The following PPP2R5C variants were observed in gnomAD, a reference collection of about 807,000 sequenced individuals.
PPP2R5C encodes serine/threonine-protein phosphatase 2A 56 kDa regulatory subunit gamma isoform.
PPP2R5C carries 7 observed loss-of-function variants against 68.9 expected under a neutral mutation model. The observed-to-expected ratio is 0.10, with a 90% CI of 0.06 to 0.19. PPP2R5C has a LOEUF of 0.19. Among genes scored for constraint, PPP2R5C ranks in the 10% least tolerant of loss-of-function variants. The probability of loss-of-function intolerance (pLI) is 1.00; values close to 1 mark genes in which losing one functional copy is unlikely to be tolerated. For synonymous variants in PPP2R5C, 210 were observed against 222.2 expected, an observed-to-expected ratio of 0.95 and a Z score of 0.49; for missense variants, 348 against 641.3, an observed-to-expected ratio of 0.54 and a Z score of 4.94.
chr14:101,852,469 C>CTTTTTTTTTTTTTTTTTTTTCT (rs559509845), intron 1 of PPP2R5C, among the ~76,000 whole-genome samples: 2 of 115,106 alleles, frequency 1.7e-5, no homozygotes, highest in Non-Finnish European at 3.6e-5. Context: ...TTTTCTTTTT[C>CTTTTTTTTTTTTTTTTTTTTCT]TTTTTTTTTT....
chr14:101,806,535 G>A (rs1051058613), upstream of PPP2R5C, among the ~76,000 whole-genome samples: 2 of 152,130 alleles, frequency 1.3e-5, no homozygotes, highest in Non-Finnish European at 2.9e-5. Flanking sequence ...TTGGTTCCAA[G>A]TCTTTGCTAT....
intron 5 of PPP2R5C, chr14:101,889,994 T>C (rs1425907720): frequency 4.9e-6 from 3 of 609,844 alleles, no homozygotes; most frequent in African/African-American, 3.6e-5. Flanking sequence ...GCTTGAAATT[T>C]TCCAAAATAA....
chr14:101,904,173 T>C (rs527561279), intron 9 of PPP2R5C, among the ~76,000 whole-genome samples: 71 of 152,228 alleles, frequency 4.7e-4, no homozygotes, highest in Non-Finnish European at 6.3e-4. Flanking sequence ...TTGTTTTCTT[T>C]TTAGACAAAG....
exon 14 of PPP2R5C, chr14:101,927,945 C>G (rs549674234): frequency 6.6e-6 from 1 of 152,296 alleles, no homozygotes; most frequent in Admixed American, 6.5e-5. Flanking sequence ...AACGGTGTAT[C>G]ATATGGACTA....
intron 13 of PPP2R5C, chr14:101,922,142 C>G (rs188670480): frequency 1.7e-5 from 17 of 985,370 alleles, no homozygotes; most frequent in Non-Finnish European, 1.7e-5. Context: ...GAAGTATTTT[C>G]CCTTTTGTCC....
chr14:101,782,953 GC>G (rs1294758729), intron 2 of PPP2R5C, among the ~76,000 whole-genome samples: 1 of 598 alleles, frequency 1.7e-3, no homozygotes, highest in Admixed American at 0.021. Context: ...CTCCCTCTCT[GC>G]CCCCCTCTCT....
At chr14:101,898,033 A>G (rs2045458123) in intron 8 of PPP2R5C, among the ~76,000 whole-genome samples, 1 of 151,870 alleles carries the variant, frequency 6.6e-6, no homozygotes, top group African/African-American at 2.4e-5. Flanking sequence ...GGTGACATGT[A>G]CCTGTGGTCC....
At chr14:101,844,639 G>A (rs1483928879) in intron 1 of PPP2R5C, among the ~76,000 whole-genome samples, 1 of 152,170 alleles carries the variant, frequency 6.6e-6, no homozygotes, top group Non-Finnish European at 1.5e-5. Flanking sequence ...CATGGAGAAA[G>A]GAAGTAGAGA....
At position 101,916,534 on chromosome 14, in the gene PPP2R5C, A is replaced by G. The variant is rs1048386580; in HGVS notation, c.1327-1297A>G. Among the ~76,000 whole-genome samples the G allele has an allele frequency of 6.6e-6, 1 of 152,188 alleles. No individual in the cohort carries two copies. The highest frequency in any genetic ancestry group is 1.5e-5 in the Non-Finnish European group (1 of 68,026). On this transcript the variant is annotated intron_variant, in intron 12 of 13. Coordinates refer to ENST00000334743, the Ensembl canonical transcript of PPP2R5C. The surrounding 1 kb of genome is among the most constrained non-coding windows in gnomAD (Gnocchi z 5.5). ...GGTTCAGGGCTGAATGATGGCGTCC[A>G]TGGTCATCATTCCTCAGAGAGGCCC...
At chr14:101,794,645 G>C (rs1429934532) in intron 3 of PPP2R5C, among the ~76,000 whole-genome samples, 3 of 152,164 alleles carry the variant, frequency 2.0e-5, no homozygotes, top group African/African-American at 7.2e-5. Flanking sequence ...ATTTTCCAAG[G>C]CCACTTTCAT....
intron 2 of PPP2R5C, 106 bp downstream of exon 2, chr14:101,763,076 G>A (rs1218609130): frequency 1.0e-6 from 1 of 999,362 alleles, no homozygotes; most frequent in African/African-American, 1.7e-5. Context: ...GTTTCCCTAT[G>A]TGAGGTTTTT....
intron 8 of PPP2R5C, among the ~76,000 whole-genome samples, chr14:101,896,648 A>T (rs2045351403): frequency 6.6e-6 from 1 of 151,590 alleles, no homozygotes; most frequent in African/African-American, 2.4e-5. Flanking sequence ...AAAAAAAAAA[A>T]AAAAAAAGTG....
intron 2 of PPP2R5C, among the ~76,000 whole-genome samples, chr14:101,767,465 C>T (rs927672970): frequency 6.6e-6 from 1 of 152,130 alleles, no homozygotes; most frequent in African/African-American, 2.4e-5. Context: ...TTTTGTTCGG[C>T]ACAACTCCTC....
chr14:101,866,772 A>T (rs995918536), intron 2 of PPP2R5C, among the ~76,000 whole-genome samples: 2 of 152,126 alleles, frequency 1.3e-5, no homozygotes, highest in African/African-American at 4.8e-5. Flanking sequence ...TTTACTATAC[A>T]CTTTTGTAAT....
At position 101,785,125 on chromosome 14, in the gene PPP2R5C, A is replaced by G. The variant is rs2038030361; in HGVS notation, c.94-893A>G. ...TGAGCACGCACACCAGGAGCCTAGG[A>G]CAATGGCAGCAGAACAGCTCCAGCG... On this transcript the variant is annotated intron_variant, in intron 2 of 14. Coordinates refer to the PPP2R5C transcript ENST00000328724. Among the ~76,000 whole-genome samples, 3 of 152,214 alleles carry G rather than the reference A, an allele frequency of 2.0e-5. No individual in the cohort carries two copies. The South Asian group carries it at 6.2e-4, about 32-fold the overall frequency.
chr14:101,869,888 G>T (rs1171643799), intron 2 of PPP2R5C, among the ~76,000 whole-genome samples: 1 of 152,128 alleles, frequency 6.6e-6, no homozygotes, highest in Non-Finnish European at 1.5e-5. Flanking sequence ...CTGAGCTCAA[G>T]TGATCCCCCT....
At chr14:101,833,087 C>T (rs192869398) in intron 1 of PPP2R5C, among the ~76,000 whole-genome samples, 1 of 152,328 alleles carries the variant, frequency 6.6e-6, no homozygotes, top group Non-Finnish European at 1.5e-5. Flanking sequence ...TTCCCATGTT[C>T]CGTCTAGTGA....
chr14:101,780,650 T>C (rs987293373), intron 2 of PPP2R5C, among the ~76,000 whole-genome samples: 3 of 152,156 alleles, frequency 2.0e-5, no homozygotes, highest in Admixed American at 6.5e-5. Flanking sequence ...CTCCTCTCTC[T>C]CTTGTATTTT....
Position 101,920,566 on chromosome 14 carries a change from A to G in PPP2R5C, c.1443+2619A>G, listed in dbSNP as rs551510052. On this transcript the variant is annotated intron_variant, in intron 13 of 13. Transcript: ENST00000334743. ...TATGTTCCTGAGTCAGAAGACTCAG[A>G]AGAGTCATTGGGATGTCTGTTTTCC... 3.9e-5 allele frequency among the ~76,000 whole-genome samples: 6 copies of G among 152,208 alleles called. No individual in the cohort carries two copies. The South Asian group carries it at 1.2e-3, about 31-fold the overall frequency.
Sources: allele counts gnomAD v4.1 joint callset (sites outside exome capture counted in the v4.1 genomes callset), GRCh38; gene constraint gnomAD v4.1.1; non-coding constraint Gnocchi (gnomAD v3.1); transcripts MANE v1.5; gene names NCBI Gene and HGNC (gene_info 2026-07-23, HGNC 2026-07-21).